Variants in IFTAP observed in about 807,000 individuals in gnomAD.
IFTAP encodes the protein intraflagellar transport associated protein, also known as intraflagellar transport-associated protein.
Under a neutral mutation model 19.4 loss-of-function variants are expected in IFTAP, and 19 were observed. The ratio of observed to expected loss-of-function variants is 0.98; its 90% CI spans 0.68 to 1.44. The LOEUF is 1.44. IFTAP is among the 40% of genes most tolerant of loss of function. The pLI, the probability that IFTAP is intolerant of heterozygous loss-of-function variation, is 0.00. For synonymous variants in IFTAP, 85 were observed against 83.5 expected, an observed-to-expected ratio of 1.02 and a Z score of -0.10; for missense variants, 240 against 253.6, an observed-to-expected ratio of 0.95 and a Z score of 0.36.
chr11:36,647,209 G>T (rs368174520), intron 4 of IFTAP, among the ~76,000 whole-genome samples: 6 of 151,970 alleles, frequency 3.9e-5, no homozygotes, highest in African/African-American at 1.5e-4. Context: ...TCCAGAGTCC[G>T]CTCCAAGTTA....
At chr11:36,634,209 A>G (rs556257715) in intron 3 of IFTAP, among the ~76,000 whole-genome samples, 231 of 152,248 alleles carry the variant, frequency 1.5e-3, no homozygotes, top group Non-Finnish European at 2.8e-3. Context: ...TATATTATAT[A>G]GAGAGTCTTT....
At chr11:36,636,326 T>C (rs1045908593) in intron 4 of IFTAP, among the ~76,000 whole-genome samples, 4 of 152,184 alleles carry the variant, frequency 2.6e-5, no homozygotes, top group Admixed American at 2.6e-4. Context: ...TGGTCTTAAA[T>C]GAAATAAAGA....
intron 2 of IFTAP, among the ~76,000 whole-genome samples, chr11:36,613,216 G>A (rs942144564): frequency 3.9e-5 from 6 of 152,022 alleles, no homozygotes; most frequent in African/African-American, 1.4e-4. Flanking sequence ...ACAAAGATAA[G>A]CAGCTAAGTT....
chr11:36,624,984 A>G (rs1368122207), intron 2 of IFTAP, among the ~76,000 whole-genome samples: 1 of 152,176 alleles, frequency 6.6e-6, no homozygotes, highest in South Asian at 2.1e-4. Flanking sequence ...GTCAGAGTCT[A>G]TTGTCCTATA....
chr11:36,634,481 G>T (rs1852858774), intron 3 of IFTAP, among the ~76,000 whole-genome samples: 1 of 152,074 alleles, frequency 6.6e-6, no homozygotes, highest in Non-Finnish European at 1.5e-5. Context: ...ACTGAATTTG[G>T]TCTGTTATGC....
intron 2 of IFTAP, among the ~76,000 whole-genome samples, chr11:36,626,197 T>C (rs576515153): frequency 6.6e-6 from 1 of 151,482 alleles, no homozygotes; most frequent in East Asian, 1.9e-4. Flanking sequence ...CAAAAATATA[T>C]GTCCTCGATT....
chr11:36,617,172 T>C (rs1176916139), intron 2 of IFTAP, among the ~76,000 whole-genome samples: 2 of 149,560 alleles, frequency 1.3e-5, no homozygotes, highest in East Asian at 3.9e-4. Flanking sequence ...AAAAATGATA[T>C]TACTTTTTAT....
At chr11:36,654,530 A>T (rs1853891793) in intron 5 of IFTAP, among the ~76,000 whole-genome samples, 1 of 151,798 alleles carries the variant, frequency 6.6e-6, no homozygotes, top group Admixed American at 6.6e-5. Flanking sequence ...CTCTCCATCC[A>T]TCCCTTATGA....
chr11:36,649,974 A>G (rs1277895664), intron 5 of IFTAP, among the ~76,000 whole-genome samples: 1 of 152,078 alleles, frequency 6.6e-6, no homozygotes, highest in Non-Finnish European at 1.5e-5. Flanking sequence ...TGCTCATTGG[A>G]GCATTATGGA....
chr11:36,638,154 C>G (rs1382891921), intron 4 of IFTAP, among the ~76,000 whole-genome samples: 1 of 151,916 alleles, frequency 6.6e-6, no homozygotes, highest in African/African-American at 2.4e-5. Context: ...CGCCCCACCG[C>G]CCGCCCGAGT....
chr11:36,611,676 CA>C (rs1366171845), intron 2 of IFTAP, among the ~76,000 whole-genome samples: 1 of 151,858 alleles, frequency 6.6e-6, no homozygotes. Flanking sequence ...TACACTTAAA[CA>C]AAAAACATAG....
At chr11:36,596,065 C>T (rs191186384) in intron 1 of IFTAP, among the ~76,000 whole-genome samples, 24 of 152,206 alleles carry the variant, frequency 1.6e-4, no homozygotes, top group Admixed American at 8.5e-4. Flanking sequence ...TGGGATAGCA[C>T]GTGTAAATCA....
chr11:36,595,406 G>A (rs796154336), intron 1 of IFTAP: 2 of 152,212 alleles, frequency 1.3e-5, no homozygotes, highest in East Asian at 3.8e-4. Context: ...ACCTTAGAGA[G>A]TTGTGGAATA....
chr11:36,621,374 A>G lies in IFTAP; in HGVS notation c.136+11135A>G, dbSNP rs370675484. Reference sequence around the variant, plus strand: ...ACTCTTATATGAAAATCAAACCACAATCTGTCTAGTATATGATTTTTAGTG... The same window carrying G: ...ACTCTTATATGAAAATCAAACCACAGTCTGTCTAGTATATGATTTTTAGTG... On this transcript the variant is annotated intron_variant, in intron 2 of 5. Transcript: ENST00000334307. Among the ~76,000 whole-genome samples, 70 of 152,162 alleles carry G rather than the reference A, an allele frequency of 4.6e-4. 1 individual carries two copies. In the South Asian group the frequency reaches 0.014, roughly 30 times the overall value.
intron 2 of IFTAP, among the ~76,000 whole-genome samples, chr11:36,616,281 G>T (rs1852085363): frequency 6.7e-6 from 1 of 149,470 alleles, no homozygotes; most frequent in African/African-American, 2.5e-5. Context: ...GTAGATCAAA[G>T]ATTTTATTTC....
chr11:36,632,311 A>C (rs1225196416), intron 2 of IFTAP, among the ~76,000 whole-genome samples: 1 of 151,152 alleles, frequency 6.6e-6, no homozygotes, highest in Non-Finnish European at 1.5e-5. Flanking sequence ...TATGGCTTAA[A>C]CTATTACCTC....
chr11:36,637,662 A>G (rs762685300), intron 4 of IFTAP, among the ~76,000 whole-genome samples: 2 of 152,186 alleles, frequency 1.3e-5, no homozygotes, highest in East Asian at 1.9e-4. Flanking sequence ...GACACCCCCA[A>G]TGATTCTAAT....
At chr11:36,644,253 C>A (rs191820745) in intron 4 of IFTAP, among the ~76,000 whole-genome samples, 1 of 152,252 alleles carries the variant, frequency 6.6e-6, no homozygotes, top group African/African-American at 2.4e-5. Context: ...AAAAAATGCT[C>A]ATCATCACTG....
intron 4 of IFTAP, among the ~76,000 whole-genome samples, chr11:36,643,097 A>G (rs891869447): frequency 2.0e-4 from 31 of 152,246 alleles, no homozygotes; most frequent in African/African-American, 7.5e-4. Flanking sequence ...ATGATTGTAT[A>G]TTTAGAAAAC....
Sources: allele counts gnomAD v4.1 joint callset (sites outside exome capture counted in the v4.1 genomes callset), GRCh38; gene constraint gnomAD v4.1.1; transcripts MANE v1.5; gene names NCBI Gene and HGNC (gene_info 2026-07-23, HGNC 2026-07-21).